CCM2: variants seen among roughly 807,000 people sequenced by gnomAD.
The protein encoded by CCM2 is CCM2 scaffold protein, also known as cerebral cavernous malformations 2 protein.
Under a neutral mutation model 44.9 loss-of-function variants are expected in CCM2, and 25 were observed. The observed-to-expected ratio is 0.56, with a 90% confidence interval of 0.41 to 0.78. CCM2 has a LOEUF of 0.78. Ranked by LOEUF, CCM2 falls within the 30% of genes least tolerant of loss-of-function variation. CCM2 has a pLI of 0.00. For missense variants in CCM2, 481 were observed against 580.6 expected (o/e 0.83, Z 1.76); for synonymous variants, 219 against 241.1 (o/e 0.91, Z 0.85).
chr7:45,070,047 T>TGG, intron 6 of CCM2, 86 bp downstream of exon 6: 3 of 1,540,316 alleles, frequency 1.9e-6, no homozygotes, highest in Non-Finnish European at 2.7e-6. Context: ...GAGTTACTCC[T>TGG]GGAATAGCGC....
intron 1 of CCM2, among the ~76,000 whole-genome samples, chr7:45,029,275 T>C (rs1465095181): frequency 6.6e-6 from 1 of 152,224 alleles, no homozygotes; most frequent in East Asian, 1.9e-4. Flanking sequence ...TATAATACTT[T>C]AAACATCTTT....
chr7:45,046,681 G>A (rs971616276), intron 2 of CCM2, among the ~76,000 whole-genome samples: 12 of 152,328 alleles, frequency 7.9e-5, no homozygotes, highest in African/African-American at 2.6e-4. Flanking sequence ...GGGCTACGCA[G>A]AGTTCTGAGA....
rs1784268307 is a variant in CCM2, at chr7:45,076,382, T to A, written c.*325T>A. 2 of 511,818 alleles carry A rather than the reference T, an allele frequency of 3.9e-6. No homozygotes were observed. The highest frequency in any genetic ancestry group is 5.8e-5 in the Admixed American group (2 of 34,314). The allele number at this position is 511,818 out of a possible 1,614,324, so 31.7% of individuals were successfully genotyped here. ...GCTGGGCCCTTGGACGGCTGTCAGTTTTGCACATGATGTTCCTATTGTAAC... is the reference window on the plus strand; with the variant it reads ...GCTGGGCCCTTGGACGGCTGTCAGTATTGCACATGATGTTCCTATTGTAAC... On this transcript the variant is annotated 3_prime_UTR_variant, in exon 10 of 10. Coordinates refer to ENST00000258781, the MANE Select transcript of CCM2 (RefSeq NM_031443.4).
At chr7:45,075,063 C>T (rs1203739852) in intron 9 of CCM2, among the ~76,000 whole-genome samples, 8 of 152,220 alleles carry the variant, frequency 5.3e-5, no homozygotes, top group Non-Finnish European at 8.8e-5. Context: ...ACCATCGTAC[C>T]GACCTGGCAG....
At chr7:45,027,784 C>G in intron 1 of CCM2, 1 of 1,614,202 alleles carries the variant, frequency 6.2e-7, no homozygotes, top group Non-Finnish European at 8.5e-7. Flanking sequence ...ACAGGGTATT[C>G]CATGGAGAAT....
At chr7:45,012,006 T>C (rs887180748) in intron 1 of CCM2, among the ~76,000 whole-genome samples, 2 of 151,416 alleles carry the variant, frequency 1.3e-5, no homozygotes, top group Non-Finnish European at 2.9e-5. Flanking sequence ...CTGTCAGTTA[T>C]TGAGAGAGAG....
chr7:45,075,344 G>A (rs1464060947), intron 9 of CCM2, among the ~76,000 whole-genome samples: 5 of 152,252 alleles, frequency 3.3e-5, no homozygotes, highest in East Asian at 1.9e-4. Context: ...CTGGACTTTG[G>A]CATGAGGCCT....
chr7:45,009,561 C>T (rs948261368), intron 1 of CCM2, among the ~76,000 whole-genome samples: 3 of 152,042 alleles, frequency 2.0e-5, no homozygotes, highest in Non-Finnish European at 2.9e-5. Context: ...TGTGCCATCA[C>T]GCCTGGCTAA....
rs76039376 is a variant in CCM2 at position 45,040,645 on chromosome 7, C to T, written c.204+2219C>T. 7.0e-3 allele frequency among the ~76,000 whole-genome samples: 1,069 copies of T among 152,292 alleles called. 74 individuals are homozygous for T. In the East Asian group the frequency reaches 0.14, roughly 20 times the overall value. ...ACTAGACAGGTCTCTAAAACCTCAA[C>T]TCACAGAAGCCTGTTCTTAGAAGTT... On this transcript the variant is annotated intron_variant, in intron 2 of 9. Transcript: ENST00000258781.
intron 2 of CCM2, 50 bp from the exon 3 acceptor site, chr7:45,063,868 T>G (rs1798639179): frequency 4.9e-6 from 6 of 1,218,194 alleles, no homozygotes; most frequent in Non-Finnish European, 7.2e-6. Context: ...GATGGTGGTG[T>G]TGGCTCAGCT....
At chr7:45,005,885 C>A (rs933661474) in intron 1 of CCM2, among the ~76,000 whole-genome samples, 1 of 152,250 alleles carries the variant, frequency 6.6e-6, no homozygotes, top group Non-Finnish European at 1.5e-5. Context: ...GAGGACCCCC[C>A]AGTCCTGGGA....
intron 6 of CCM2, chr7:45,071,479 T>C: frequency 3.6e-6 from 1 of 278,416 alleles, no homozygotes; most frequent in Non-Finnish European, 7.1e-6. Flanking sequence ...CGCACATGCA[T>C]GCATTCTCTG....
chr7:45,035,551 C>G (rs1442230369), intron 1 of CCM2, among the ~76,000 whole-genome samples: 3 of 152,220 alleles, frequency 2.0e-5, no homozygotes, highest in African/African-American at 7.2e-5. Flanking sequence ...AGGGACTACT[C>G]CAGGTCAATG....
chr7:45,065,123 C>G (rs1798710749), intron 4 of CCM2, among the ~76,000 whole-genome samples: 3 of 151,886 alleles, frequency 2.0e-5, no homozygotes, highest in Admixed American at 1.3e-4. Context: ...TCTGTGTGTC[C>G]TTGCCGTCTG....
chr7:45,019,864 C>T (rs1176973050), intron 1 of CCM2, among the ~76,000 whole-genome samples: 7 of 152,160 alleles, frequency 4.6e-5, no homozygotes, highest in Non-Finnish European at 1.0e-4. Context: ...CATGAGCTCC[C>T]GCACCCAGCC....
At chr7:45,069,056 G>A (rs1046799829) in intron 5 of CCM2, among the ~76,000 whole-genome samples, 1 of 152,274 alleles carries the variant, frequency 6.6e-6, no homozygotes, top group Admixed American at 6.5e-5. Flanking sequence ...ACCTGGAAGA[G>A]CCAAGGGCTG....
intron 2 of CCM2, among the ~76,000 whole-genome samples, chr7:45,050,785 C>T (rs1663214847): frequency 6.6e-6 from 1 of 152,068 alleles, no homozygotes; most frequent in Non-Finnish European, 1.5e-5. Context: ...AAATGTTTTC[C>T]CCTAGTTTGT....
intron 9 of CCM2, among the ~76,000 whole-genome samples, chr7:45,075,504 C>T (rs1193714203): frequency 6.6e-6 from 1 of 152,238 alleles, no homozygotes; most frequent in African/African-American, 2.4e-5. Context: ...TGTGCTGGTG[C>T]CTTGAGGCCA....
Position 45,074,401 on chromosome 7 carries a change from G to A in CCM2, c.1047G>A (p.Leu349=). 1 of 1,613,118 alleles carries A rather than the reference G, an allele frequency of 6.2e-7. No homozygotes were observed. The highest frequency in any genetic ancestry group is 1.1e-5 in the South Asian group (1 of 90,976). ...TCTACGGGGACAGCCGCAAGTTCCT[G>A]CTGCTTGGTGAGTGGGCCCTGGAAA... The part of the protein sequence containing the change: ...RQLYGDSRKF[L]LLGLRPFIPE... Residue 349 remains leucine (L), a synonymous_variant, in exon 9 of 10, where the codon CTG becomes CTA. Coordinates refer to ENST00000258781, the MANE Select transcript of CCM2 (RefSeq NM_031443.4).
Sources: gnomAD v4.1 joint callset for allele counts (sites outside exome capture counted in the v4.1 genomes callset) on GRCh38, gnomAD v4.1.1 for gene constraint, MANE v1.5 for transcripts, NCBI Gene and HGNC (gene_info 2026-07-23, HGNC 2026-07-21) for gene names.